The following KIF26B variants were observed in gnomAD, a reference collection of about 807,000 sequenced individuals.
The protein encoded by KIF26B is kinesin-like protein KIF26B.
A neutral mutation model predicts 151.2 loss-of-function variants in KIF26B; 63 were observed. The ratio of observed to expected loss-of-function variants is 0.42; its 90% confidence interval spans 0.34 to 0.51. The LOEUF is 0.51. Among genes scored for constraint, KIF26B ranks in the 20% least tolerant of loss-of-function variants. KIF26B has a pLI of 0.07. For missense variants in KIF26B, 2,813 were observed against 2,913.6 expected, an observed-to-expected ratio of 0.97 and a Z score of 0.79; for synonymous variants, 1,357 against 1,262.1, an observed-to-expected ratio of 1.08 and a Z score of -1.59.
Position 245,519,161 on chromosome 1 carries a change from AT to A in KIF26B, c.1167-21605del, listed in dbSNP as rs201949491. Among the ~76,000 whole-genome samples the A allele has an allele frequency of 9.3e-3, 1,410 of 152,348 alleles. 24 individuals are homozygous for A. Among genetic ancestry groups the A allele is most frequent in the African/African-American group, 0.033 (1,364 of 41,566 alleles). On this transcript the variant is annotated intron_variant, in intron 4 of 14. Coordinates refer to ENST00000407071, the MANE Select transcript of KIF26B (RefSeq NM_018012.4). ...GTGAAATGGATGACTGTGTCCTGTA[AT>A]AGAATATTTACTATATTTAGTAACA...
chr1:245,627,477 G>A (rs894050172), intron 9 of KIF26B, among the ~76,000 whole-genome samples: 14 of 152,036 alleles, frequency 9.2e-5, no homozygotes, highest in African/African-American at 2.2e-4. Flanking sequence ...CTGGGACACC[G>A]CTAAAGCAGT....
intron 2 of KIF26B, among the ~76,000 whole-genome samples, chr1:245,355,315 G>C (rs1038758996): frequency 6.6e-6 from 1 of 152,078 alleles, no homozygotes; most frequent in African/African-American, 2.4e-5. Context: ...CTCACTAGAC[G>C]TCAGTAGCCC....
intron 4 of KIF26B, among the ~76,000 whole-genome samples, chr1:245,450,426 G>A (rs1659361948): frequency 6.6e-6 from 1 of 152,212 alleles, no homozygotes; most frequent in South Asian, 2.1e-4. Flanking sequence ...GCTAGAGGGA[G>A]AAAGGAGTCA....
chr1:245,163,652 C>G (rs1358963016), intron 2 of KIF26B, among the ~76,000 whole-genome samples: 1 of 152,070 alleles, frequency 6.6e-6, no homozygotes, highest in African/African-American at 2.4e-5. Context: ...ACATGGAATA[C>G]CTTTTCATTT....
At chr1:245,333,637 C>T (rs983909010) in intron 2 of KIF26B, among the ~76,000 whole-genome samples, 1 of 152,190 alleles carries the variant, frequency 6.6e-6, no homozygotes, top group Non-Finnish European at 1.5e-5. Context: ...TGTGTGTGCA[C>T]ATGCTTGTAA....
chr1:245,327,752 A>C (rs1486749008), intron 2 of KIF26B, among the ~76,000 whole-genome samples: 4 of 152,244 alleles, frequency 2.6e-5, no homozygotes, highest in Non-Finnish European at 5.9e-5. Flanking sequence ...AAATGACTGC[A>C]ACACATGGAC....
intron 2 of KIF26B, among the ~76,000 whole-genome samples, chr1:245,211,334 C>G (rs1669522957): frequency 6.6e-6 from 1 of 152,314 alleles, no homozygotes; most frequent in East Asian, 1.9e-4. Flanking sequence ...GTTGGGCCAT[C>G]CCCTGCCCGC....
At chr1:245,661,128 T>C (rs114036176) in intron 10 of KIF26B, among the ~76,000 whole-genome samples, 2,723 of 151,860 alleles carry the variant, frequency 0.018, 32 homozygotes, top group Middle Eastern at 0.034. Context: ...CCGGGATTAT[T>C]TGCGCCTGCC....
chr1:245,189,577 C>T (rs943842148), intron 2 of KIF26B, among the ~76,000 whole-genome samples: 2 of 152,236 alleles, frequency 1.3e-5, no homozygotes, highest in South Asian at 2.1e-4. Context: ...TGTTCTTGTT[C>T]TAGATGTCCG....
At chr1:245,258,748 T>C (rs969135065) in intron 2 of KIF26B, among the ~76,000 whole-genome samples, 3 of 151,384 alleles carry the variant, frequency 2.0e-5, no homozygotes, top group African/African-American at 4.9e-5. Flanking sequence ...CACAGCATGG[T>C]GGGGGGGCAT....
intron 4 of KIF26B, among the ~76,000 whole-genome samples, chr1:245,454,539 A>C (rs984141724): frequency 6.6e-5 from 10 of 152,180 alleles, no homozygotes; most frequent in Admixed American, 1.3e-4. Flanking sequence ...TCAGTAACAG[A>C]GCAGGAAGGC....
chr1:245,506,588 A>G (rs533330913), intron 4 of KIF26B, among the ~76,000 whole-genome samples: 21 of 152,304 alleles, frequency 1.4e-4, no homozygotes, highest in Admixed American at 2.6e-4. Context: ...TCACAGCATC[A>G]TAGAATACTA....
chr1:245,424,025 G>A (rs1393120607), intron 4 of KIF26B, among the ~76,000 whole-genome samples: 1 of 151,944 alleles, frequency 6.6e-6, no homozygotes, highest in Non-Finnish European at 1.5e-5. Flanking sequence ...ATTTTTTGAA[G>A]AGATGAGTCT....
At chr1:245,286,603 G>A (rs1037169191) in intron 2 of KIF26B, among the ~76,000 whole-genome samples, 4 of 152,218 alleles carry the variant, frequency 2.6e-5, no homozygotes, top group African/African-American at 9.6e-5. Flanking sequence ...TTAAGCCACT[G>A]AAGAACTATA....
rs530101688 is a variant in KIF26B, at chr1:245,510,263, A to G, written c.1167-30504A>G. Among the ~76,000 whole-genome samples the G allele has an allele frequency of 4.6e-5, 7 of 152,288 alleles. No homozygotes were observed. The East Asian group carries it at 1.4e-3, about 29-fold the overall frequency. ...CATTGGAATAGTTTTAAGGCGTGCA[A>G]ACTGTGAGACTAGACAATTTCACTT... On this transcript the variant is annotated intron_variant, in intron 4 of 14. Transcript: ENST00000407071.
At chr1:245,669,917 G>C (rs979161541) in intron 10 of KIF26B, among the ~76,000 whole-genome samples, 3 of 152,088 alleles carry the variant, frequency 2.0e-5, no homozygotes, top group Non-Finnish European at 4.4e-5. Flanking sequence ...ATGTTCTCAG[G>C]TATAAGTGGG....
At chr1:245,214,388 T>G (rs1033014080) in intron 2 of KIF26B, among the ~76,000 whole-genome samples, 2 of 150,864 alleles carry the variant, frequency 1.3e-5, no homozygotes, top group Non-Finnish European at 3.0e-5. Context: ...AAACATTTTT[T>G]TAATATCATC....
chr1:245,423,374 C>A (rs1377601126), intron 4 of KIF26B, among the ~76,000 whole-genome samples: 1 of 152,148 alleles, frequency 6.6e-6, no homozygotes, highest in Non-Finnish European at 1.5e-5. Flanking sequence ...AGCCACATAG[C>A]CGGGAGTGGC....
chr1:245,392,186 A>G (rs982786419), intron 3 of KIF26B, among the ~76,000 whole-genome samples: 4 of 152,176 alleles, frequency 2.6e-5, no homozygotes, highest in African/African-American at 9.7e-5. Flanking sequence ...CCTTCGGCGT[A>G]ATTACGAAAC....
Sources: gnomAD v4.1 joint callset for allele counts (sites outside exome capture counted in the v4.1 genomes callset) on GRCh38, gnomAD v4.1.1 for gene constraint, MANE v1.5 for transcripts, NCBI Gene and HGNC (gene_info 2026-07-23, HGNC 2026-07-21) for gene names.